Variants in STAG1 observed in about 807,000 individuals in gnomAD.
The protein encoded by STAG1 is cohesin subunit SA-1.
STAG1 carries 26 observed loss-of-function variants against 170.9 expected under a neutral mutation model. The observed-to-expected ratio is 0.15, with a 90% CI of 0.11 to 0.21. STAG1 has a LOEUF of 0.21. Ranked by LOEUF, STAG1 falls within the 10% of genes least tolerant of loss-of-function variation. STAG1 has a pLI of 1.00. For missense variants in STAG1, 964 were observed against 1,509.5 expected (o/e 0.64, Z 5.99); for synonymous variants, 514 against 497.7 (o/e 1.03, Z -0.44).
At chr3:136,392,020 C>T (rs974811219) in intron 22 of STAG1, among the ~76,000 whole-genome samples, 2 of 151,984 alleles carry the variant, frequency 1.3e-5, no homozygotes, top group African/African-American at 4.8e-5. Flanking sequence ...ATTTAAACTT[C>T]AATTATAACT....
At chr3:136,615,152 G>C (rs141194412) in intron 3 of STAG1, among the ~76,000 whole-genome samples, 1 of 152,020 alleles carries the variant, frequency 6.6e-6, no homozygotes, top group Non-Finnish European at 1.5e-5. Flanking sequence ...GTATTAGTAA[G>C]ATTAGCATAT....
chr3:136,590,141 A>T (rs1445368441), intron 4 of STAG1, among the ~76,000 whole-genome samples: 1 of 151,188 alleles, frequency 6.6e-6, no homozygotes, highest in Non-Finnish European at 1.5e-5. Flanking sequence ...TAAAATAAAA[A>T]TACATGTATC....
At chr3:136,536,703 CAA>C (rs11321017) in intron 6 of STAG1, among the ~76,000 whole-genome samples, 22 of 70,926 alleles carry the variant, frequency 3.1e-4, no homozygotes, top group African/African-American at 6.8e-4. Context: ...ACTCAGTCTC[CAA>C]AAAAAAAAAA....
At chr3:136,530,802 T>A (rs927099524) in intron 6 of STAG1, among the ~76,000 whole-genome samples, 1 of 152,068 alleles carries the variant, frequency 6.6e-6, no homozygotes, top group African/African-American at 2.4e-5. Flanking sequence ...AACACCTGCA[T>A]CAAAAGAGTA....
chr3:136,714,659 C>T (rs558291789), intron 1 of STAG1, among the ~76,000 whole-genome samples: 96 of 151,878 alleles, frequency 6.3e-4, no homozygotes, highest in Admixed American at 2.0e-3. Flanking sequence ...ACCCAGGAGG[C>T]GGAGCTTGCA....
At chr3:136,348,091 A>G (rs1936300285) in intron 29 of STAG1, among the ~76,000 whole-genome samples, 1 of 152,168 alleles carries the variant, frequency 6.6e-6, no homozygotes, top group African/African-American at 2.4e-5. Context: ...TTTAGGCAGC[A>G]CAGGTAAGAT....
chr3:136,634,771 CAA>C (rs1940483982), intron 1 of STAG1, among the ~76,000 whole-genome samples: 1 of 151,934 alleles, frequency 6.6e-6, no homozygotes, highest in South Asian at 2.1e-4. Context: ...AATAAAACCA[CAA>C]GTTTGTTGTT....
chr3:136,385,336 AG>A (rs1644557775), intron 22 of STAG1, among the ~76,000 whole-genome samples: 1 of 152,130 alleles, frequency 6.6e-6, no homozygotes, highest in Admixed American at 6.5e-5. Flanking sequence ...GCTACTCAGG[AG>A]GCTGAGGCGG....
intron 3 of STAG1, among the ~76,000 whole-genome samples, chr3:136,610,874 A>T (rs1175358365): frequency 6.6e-6 from 1 of 152,168 alleles, no homozygotes; most frequent in African/African-American, 2.4e-5. Context: ...TGTATTGCCC[A>T]TTCAACCCTT....
chr3:136,657,134 G>A (rs1576723954), intron 1 of STAG1, among the ~76,000 whole-genome samples: 1 of 150,394 alleles, frequency 6.6e-6, no homozygotes, highest in East Asian at 1.9e-4. Flanking sequence ...AAAAAAAGTG[G>A]CCAGTGTATA....
intron 22 of STAG1, among the ~76,000 whole-genome samples, chr3:136,382,377 G>A (rs1938015389): frequency 1.3e-5 from 2 of 151,102 alleles, no homozygotes; most frequent in South Asian, 2.1e-4. Context: ...AGAGACACTG[G>A]AAATGTGAAA....
chr3:136,539,143 A>T (rs886475068), intron 6 of STAG1, among the ~76,000 whole-genome samples: 2 of 152,172 alleles, frequency 1.3e-5, no homozygotes, highest in African/African-American at 4.8e-5. Flanking sequence ...CAAAAAAAAA[A>T]AAAAATGTTT....
Position 136,623,175 on chromosome 3 carries a change from T to C in STAG1, c.103A>G (p.Arg35Gly). 6.2e-7 allele frequency: 1 copy of C among 1,613,736 alleles called. No individual in the cohort carries two copies. Among genetic ancestry groups the C allele is most frequent in the South Asian group, 1.1e-5 (1 of 91,078 alleles). ...GGCCGGCCAGGACGACCCCTTTTTCTTTTTCCTTTGACCTCTGTTTCTTCA... is the reference window on the plus strand; with the variant it reads ...GGCCGGCCAGGACGACCCCTTTTTCCTTTTCCTTTGACCTCTGTTTCTTCA... ...ELEETEVKGK[R>G]KRGRPGRPPS... The change falls in exon 3 of 34, where the codon AGA becomes GGA. Residue 35 changes from arginine to glycine, a missense_variant. Transcript: ENST00000383202.
intron 1 of STAG1, among the ~76,000 whole-genome samples, chr3:136,702,874 C>T (rs556614436): frequency 6.6e-6 from 1 of 152,034 alleles, no homozygotes; most frequent in South Asian, 2.1e-4. Context: ...TCAAGACCAT[C>T]TTGGCCAACA....
At chr3:136,707,622 G>C (rs1295879407) in intron 1 of STAG1, among the ~76,000 whole-genome samples, 1 of 152,166 alleles carries the variant, frequency 6.6e-6, no homozygotes. Flanking sequence ...TCAAGGGCAT[G>C]GCCCTAGCTT....
intron 4 of STAG1, among the ~76,000 whole-genome samples, chr3:136,593,549 T>TTA (rs1938288446): frequency 6.6e-6 from 1 of 152,220 alleles, no homozygotes; most frequent in Non-Finnish European, 1.5e-5. Flanking sequence ...AAAATATACT[T>TTA]TAATGATTAT....
rs573699498 is a variant in STAG1 at position 136,377,326 on chromosome 3, G to T, written c.2370+334C>A. ...GGCGTGAACCCGGGAGGCGGAGCTTGCAGTGAGCCGAGATTGCGCCACTGC... is the reference window on the plus strand; with the variant it reads ...GGCGTGAACCCGGGAGGCGGAGCTTTCAGTGAGCCGAGATTGCGCCACTGC... On this transcript the variant is annotated intron_variant, in intron 23 of 33. Coordinates refer to ENST00000383202, the MANE Select transcript of STAG1 (RefSeq NM_005862.3). Among the ~76,000 whole-genome samples, 5 of 128,388 alleles carry T rather than the reference G, an allele frequency of 3.9e-5. No individual in the cohort carries two copies. In the East Asian group the frequency reaches 1.1e-3, roughly 28 times the overall value. 84.2% of individuals were successfully genotyped at this position (128,388 alleles called of 152,430 possible).
intron 1 of STAG1, among the ~76,000 whole-genome samples, chr3:136,743,175 T>G (rs1934762225): frequency 6.6e-6 from 1 of 152,134 alleles, no homozygotes; most frequent in Non-Finnish European, 1.5e-5. Flanking sequence ...AAAACCAGTA[T>G]GGCCAACATA....
intron 12 of STAG1, among the ~76,000 whole-genome samples, chr3:136,468,745 C>T (rs1426961505): frequency 6.6e-6 from 1 of 152,188 alleles, no homozygotes; most frequent in Non-Finnish European, 1.5e-5. Flanking sequence ...CAATAAAATA[C>T]TGGCAAACCG....
Sources: allele counts gnomAD v4.1 joint callset (sites outside exome capture counted in the v4.1 genomes callset), GRCh38; gene constraint gnomAD v4.1.1; transcripts MANE v1.5; gene names NCBI Gene and HGNC (gene_info 2026-07-23, HGNC 2026-07-21).